WSCD1: variants seen among roughly 807,000 people sequenced by gnomAD.
WSCD1 encodes sialate:O-sulfotransferase 1.
In WSCD1, 41 loss-of-function variants were observed where a neutral mutation model predicts 60.4. The observed-to-expected ratio is 0.68, with a 90% CI of 0.53 to 0.88. WSCD1 has a LOEUF of 0.88. Ranked by LOEUF, WSCD1 falls within the 40% of genes least tolerant of loss-of-function variation. The pLI is 0.00. For synonymous variants in WSCD1, 361 were observed against 332.5 expected, an observed-to-expected ratio of 1.09 and a Z score of -0.93; for missense variants, 784 against 796.2, an observed-to-expected ratio of 0.98 and a Z score of 0.18.
chr17:6,078,686 G>A (rs1909027198), intron 1 of WSCD1, among the ~76,000 whole-genome samples: 1 of 152,270 alleles, frequency 6.6e-6, no homozygotes, highest in East Asian at 1.9e-4. Flanking sequence ...AGGGGCCCTT[G>A]TGTGTCATGC....
chr17:6,097,963 T>G (rs1280614821), intron 5 of WSCD1, among the ~76,000 whole-genome samples: 2 of 151,760 alleles, frequency 1.3e-5, no homozygotes, highest in Admixed American at 1.3e-4. Flanking sequence ...TTTTTTTTTT[T>G]TTTTTGAGAC....
rs570730111 is a variant in WSCD1 at position 6,116,267 on chromosome 17, A to G, written c.1175-1721A>G. ...TGGTCTACATATGGTAAGCGGCCCA[A>G]TGACTGATATTGCCAGCTATAGAGG... On this transcript the variant is annotated intron_variant, in intron 7 of 8. Transcript: ENST00000317744. Among the ~76,000 whole-genome samples the G allele has an allele frequency of 3.7e-4, 56 of 152,298 alleles. No individual in the cohort carries two copies. The South Asian group carries it at 0.011, about 31-fold the overall frequency.
At chr17:6,083,728 G>A (rs1413170041) in intron 2 of WSCD1, among the ~76,000 whole-genome samples, 3 of 152,130 alleles carry the variant, frequency 2.0e-5, no homozygotes, top group Non-Finnish European at 4.4e-5. Context: ...GCAGTGAGCC[G>A]AGATCGCGCC....
Position 6,120,301 on chromosome 17 carries a change from C to T in WSCD1, c.1376-8C>T. 1 of 1,610,590 alleles carries T rather than the reference C, an allele frequency of 6.2e-7. No individual in the cohort carries two copies. The highest frequency in any genetic ancestry group is 1.3e-5 in the African/African-American group (1 of 75,038). ...CCCGACTCTGCATCTCTCCTGTCCT[C>T]ACTCTAGAGTGGCCGGACTTTGTCA... On this transcript the variant is annotated splice_region_variant and splice_polypyrimidine_tract_variant and intron_variant, in intron 8 of 8. Coordinates refer to ENST00000317744, the MANE Select transcript of WSCD1 (RefSeq NM_015253.2).
intron 1 of WSCD1, among the ~76,000 whole-genome samples, chr17:6,079,446 G>A (rs996732349): frequency 2.0e-4 from 30 of 152,310 alleles, no homozygotes; most frequent in African/African-American, 6.5e-4. Flanking sequence ...AATGAGAACC[G>A]AAACCCAGAG....
rs370348270 is a variant in WSCD1 at position 6,090,162 on chromosome 17, C to G, written c.543-159C>G. ...TGTATACATATGTAACTAACCTGCACGTTGTGCACATGTACCCTAAAACTT... is the reference window on the plus strand; with the variant it reads ...TGTATACATATGTAACTAACCTGCAGGTTGTGCACATGTACCCTAAAACTT... On this transcript the variant is annotated intron_variant, in intron 3 of 8. Transcript: ENST00000317744. Among the ~76,000 whole-genome samples, 4 of 152,218 alleles carry G rather than the reference C, an allele frequency of 2.6e-5. No homozygotes were observed. In the East Asian group the frequency reaches 7.8e-4, roughly 30 times the overall value.
At chr17:6,099,241 G>C (rs1910641172) in intron 5 of WSCD1, among the ~76,000 whole-genome samples, 1 of 152,122 alleles carries the variant, frequency 6.6e-6, no homozygotes, top group Non-Finnish European at 1.5e-5. Context: ...AAAGGGCCAG[G>C]CACGGTGGCT....
At position 6,110,776 on chromosome 17, in the gene WSCD1, CGTT is replaced by C. The variant is rs1567560464; in HGVS notation, c.1018_1020del (p.Cys340del). 1 of 1,611,630 alleles carries C rather than the reference CGTT, an allele frequency of 6.2e-7. No homozygotes were observed. Among genetic ancestry groups the C allele is most frequent in the Non-Finnish European group, 8.5e-7 (1 of 1,178,240 alleles). ...GATGACTTTTGGACTTTCAGACACT[CGTT>C]GTACAGACAGGAGGTTCCTGCCTAA... On this transcript the variant is annotated inframe_deletion, in exon 7 of 9. Coordinates refer to ENST00000317744, the MANE Select transcript of WSCD1 (RefSeq NM_015253.2). This position sits in a 1 kb window ranked among gnomAD's most constrained non-coding sequence, Gnocchi z 4.8.
At chr17:6,117,247 A>C (rs1904343433) in intron 7 of WSCD1, among the ~76,000 whole-genome samples, 1 of 152,210 alleles carries the variant, frequency 6.6e-6, no homozygotes, top group Admixed American at 6.5e-5. Flanking sequence ...AGGGCCCCCG[A>C]TGGGCTGATC....
chr17:6,099,750 G>T (rs960910807), intron 5 of WSCD1, among the ~76,000 whole-genome samples: 1 of 151,998 alleles, frequency 6.6e-6, no homozygotes, highest in Admixed American at 6.5e-5. Flanking sequence ...CTTATGGAAC[G>T]CAGACACCGC....
At chr17:6,109,881 T>C (rs1911312379) in intron 6 of WSCD1, 115 bp downstream of exon 6, 2 of 1,417,810 alleles carry the variant, frequency 1.4e-6, no homozygotes, top group Non-Finnish European at 1.9e-6. Context: ...ATGGCATGTG[T>C]CTGTGTAAAG....
intron 1 of WSCD1, among the ~76,000 whole-genome samples, chr17:6,073,101 G>T (rs538690674): frequency 1.3e-5 from 2 of 152,316 alleles, no homozygotes; most frequent in South Asian, 4.1e-4. Flanking sequence ...AGGATGTGCA[G>T]CAGGCTGTCT....
chr17:6,088,840 T>C (rs1182137791), intron 3 of WSCD1, among the ~76,000 whole-genome samples: 1 of 150,754 alleles, frequency 6.6e-6, no homozygotes, highest in Non-Finnish European at 1.5e-5. Context: ...TGGAGTGCAG[T>C]GGCGCGATCT....
rs1474885444 is a variant in WSCD1 at position 6,118,061 on chromosome 17, GGAGATT to G, written c.1254_1259del (p.Ile418_Glu419del). Reference sequence around the variant, plus strand: ...TCAAAACCCACGAGAGTGGCAGGAGGGAGATTGAGATGTTTGATTCAGCCATCCTGC... The same window carrying G: ...TCAAAACCCACGAGAGTGGCAGGAGGGAGATGTTTGATTCAGCCATCCTGC... On this transcript the variant is annotated inframe_deletion, in exon 8 of 9. Coordinates refer to ENST00000317744, the MANE Select transcript of WSCD1 (RefSeq NM_015253.2). This position sits in a 1 kb window ranked among gnomAD's most constrained non-coding sequence, Gnocchi z 5.8. The G allele has an allele frequency of 5.0e-6, 8 of 1,614,110 alleles. No homozygotes were observed. Among genetic ancestry groups the G allele is most frequent in the Non-Finnish European group, 3.4e-6 (4 of 1,180,048 alleles).
chr17:6,095,433 G>C (rs1242832615), intron 5 of WSCD1, among the ~76,000 whole-genome samples: 1 of 152,220 alleles, frequency 6.6e-6, no homozygotes, highest in East Asian at 1.9e-4. Context: ...GAGGCTGGGT[G>C]GGGAATTGTC....
chr17:6,095,728 A>G (rs1910382726), intron 5 of WSCD1, among the ~76,000 whole-genome samples: 1 of 152,166 alleles, frequency 6.6e-6, no homozygotes, highest in South Asian at 2.1e-4. Flanking sequence ...CCCGCATTGC[A>G]TGGTAGCTCT....
intron 3 of WSCD1, 135 bp downstream of exon 3, chr17:6,088,239 C>T: frequency 1.4e-6 from 1 of 737,690 alleles, no homozygotes; most frequent in Non-Finnish European, 2.2e-6. Flanking sequence ...CCCAGTTTTC[C>T]AGAAGAAAGG....
In WSCD1 at chr17:6,120,485, C is replaced by G. The variant is rs746419930; in HGVS notation, c.1552C>G (p.Leu518Val). The part of the protein sequence containing the change: ...LNVSVSEERL[L>V]CVENNKEGSF... ...CGTGTCTGTGAGCGAGGAGCGGCTGCTCTGCGTGGAGAACAACAAGGAGGG... is the reference window on the plus strand; with the variant it reads ...CGTGTCTGTGAGCGAGGAGCGGCTGGTCTGCGTGGAGAACAACAAGGAGGG... The change falls in exon 9 of 9, where the codon CTC (leucine) becomes GTC (valine). Residue 518 changes from leucine (L) to valine (V), a missense_variant. Coordinates refer to ENST00000317744, the MANE Select transcript of WSCD1 (RefSeq NM_015253.2). 1 of 1,613,944 alleles carries G rather than the reference C, an allele frequency of 6.2e-7. No homozygotes were observed. Among genetic ancestry groups the G allele is most frequent in the Non-Finnish European group, 8.5e-7 (1 of 1,180,022 alleles).
rs532465355 is a variant in WSCD1 at position 6,101,590 on chromosome 17, A to G, written c.849+6367A>G. ...GAGTGTAGTTTGACAGAAAAAGAACATTCCAGGTGATATCTGCATCTTAAT... is the reference window on the plus strand; with the variant it reads ...GAGTGTAGTTTGACAGAAAAAGAACGTTCCAGGTGATATCTGCATCTTAAT... On this transcript the variant is annotated intron_variant, in intron 5 of 8. Transcript: ENST00000317744. The surrounding 1 kb of genome is among the most constrained non-coding windows in gnomAD (Gnocchi z 4.1). Among the ~76,000 whole-genome samples the G allele has an allele frequency of 6.6e-6, 1 of 152,292 alleles. No individual in the cohort carries two copies. The highest frequency in any genetic ancestry group is 2.1e-4 in the South Asian group (1 of 4,828).
Sources: allele counts gnomAD v4.1 joint callset (sites outside exome capture counted in the v4.1 genomes callset), GRCh38; gene constraint gnomAD v4.1.1; non-coding constraint Gnocchi (gnomAD v3.1); transcripts MANE v1.5; gene names NCBI Gene and HGNC (gene_info 2026-07-23, HGNC 2026-07-21).